Variants in BTBD16 observed in about 807,000 individuals in gnomAD.
The protein encoded by BTBD16 is BTB/POZ domain-containing protein 16.
A neutral mutation model predicts 67.4 loss-of-function variants in BTBD16; 66 were observed. That is an observed-to-expected ratio of 0.98 (90% CI 0.80 to 1.20). The LOEUF (loss-of-function observed/expected upper bound fraction) is 1.20. Ranked by LOEUF, BTBD16 falls within the 50% of genes most tolerant of loss-of-function variation. The pLI, the probability that BTBD16 is intolerant of heterozygous loss-of-function variation, is 0.00. For synonymous variants in BTBD16, 242 were observed against 236.4 expected, an observed-to-expected ratio of 1.02 and a Z score of -0.22; for missense variants, 634 against 616.0, an observed-to-expected ratio of 1.03 and a Z score of -0.31.
At chr10:122,320,661 G>A (rs1329804758) in intron 10 of BTBD16, among the ~76,000 whole-genome samples, 2 of 151,822 alleles carry the variant, frequency 1.3e-5, no homozygotes, top group African/African-American at 4.8e-5. Flanking sequence ...TCTTTGTTCT[G>A]CAAATATTTG....
intron 9 of BTBD16, chr10:122,303,577 C>G: frequency 3.2e-6 from 1 of 311,566 alleles, no homozygotes; most frequent in Non-Finnish European, 4.6e-6. Context: ...TTGTTCATAT[C>G]TTACTCACAT....
At chr10:122,297,138 T>C (rs2096384769) in intron 7 of BTBD16, among the ~76,000 whole-genome samples, 1 of 152,260 alleles carries the variant, frequency 6.6e-6, no homozygotes, top group Non-Finnish European at 1.5e-5. Context: ...ACCCTTAACA[T>C]GACTGCCAAA....
chr10:122,337,899 C>A (rs1396785627), intron 15 of BTBD16, 118 bp from the exon 16 acceptor site: 6 of 757,982 alleles, frequency 7.9e-6, no homozygotes, highest in Non-Finnish European at 1.3e-5. Context: ...TTCTGATGTG[C>A]AACCATAGTT....
rs2133319943 is a variant in BTBD16, at chr10:122,331,214, C to T, written c.1042C>T (p.Pro348Ser). ...GGTGCTGCGGCACCTTAACTTCTTC[C>T]CAGAGTCATGGCTCGACCAGGTTAC... ...LEVLRHLNFF[P>S]ESWLDQVTVN... The change falls in exon 12 of 16, where the codon CCA becomes TCA. Residue 348 changes from proline to serine, a missense_variant. By Grantham distance (74) the Pro-to-Ser change is moderately conservative. Coordinates refer to ENST00000260723, the MANE Select transcript of BTBD16 (RefSeq NM_144587.5). The T allele has an allele frequency of 6.2e-7, 1 of 1,613,610 alleles. No individual in the cohort carries two copies. The highest frequency in any genetic ancestry group is 1.3e-5 in the African/African-American group (1 of 74,996).
chr10:122,309,238 C>T (rs557211767), intron 10 of BTBD16, among the ~76,000 whole-genome samples: 4 of 152,256 alleles, frequency 2.6e-5, no homozygotes, highest in African/African-American at 7.2e-5. Flanking sequence ...GTGATCCTCT[C>T]GCCTCAGCCT....
chr10:122,303,145 A>G (rs911246091), intron 9 of BTBD16, among the ~76,000 whole-genome samples: 1 of 152,212 alleles, frequency 6.6e-6, no homozygotes, highest in Admixed American at 6.5e-5. Flanking sequence ...TTTGTCTTAA[A>G]TTGAGAAATC....
chr10:122,317,681 C>A (rs527732424), intron 10 of BTBD16, among the ~76,000 whole-genome samples: 109 of 151,700 alleles, frequency 7.2e-4, no homozygotes, highest in Middle Eastern at 6.8e-3. Flanking sequence ...AACAAAAAAA[C>A]AACAAAAAAA....
In BTBD16 at chr10:122,286,192, A is replaced by C; in HGVS notation, c.329A>C (p.Lys110Thr). Residue 110 changes from lysine (K) to threonine (T), a missense_variant, in exon 5 of 16, where the codon AAA becomes ACA. Transcript: ENST00000260723. ...QSETLAKLYL[K>T]ALAQGTTHPL... ...GAGACCTTGGCCAAGCTCTACCTGA[A>C]AGCCCTGGCGCAGGGCACCACACAC... 6.2e-7 allele frequency: 1 copy of C among 1,613,962 alleles called. No individual in the cohort carries two copies. The highest frequency in any genetic ancestry group is 1.3e-5 in the African/African-American group (1 of 75,050).
chr10:122,319,880 C>T (rs181543041), intron 10 of BTBD16, among the ~76,000 whole-genome samples: 3 of 152,090 alleles, frequency 2.0e-5, no homozygotes, highest in East Asian at 1.9e-4. Context: ...CATTTAGGTC[C>T]GTTTAAATGT....
At chr10:122,307,636 A>G (rs1314605128) in intron 10 of BTBD16, among the ~76,000 whole-genome samples, 1 of 152,224 alleles carries the variant, frequency 6.6e-6, no homozygotes, top group African/African-American at 2.4e-5. Flanking sequence ...TCATTAAAAA[A>G]AAAAATCAGC....
At position 122,271,474 on chromosome 10, in the gene BTBD16, C is replaced by T. The variant is rs1363952197; in HGVS notation, c.-83C>T. On this transcript the variant is annotated 5_prime_UTR_variant, in exon 1 of 16. Transcript: ENST00000260723. ...GAGTTCCTCCACTCAGCACACTTCC[C>T]CTGTAAACACGCCTGTGGTGGGCAA... 2.6e-5 allele frequency: 4 copies of T among 152,306 alleles called. No individual in the cohort carries two copies. The highest frequency in any genetic ancestry group is 9.6e-5 in the African/African-American group (4 of 41,464). 9.4% of individuals were successfully genotyped at this position (152,306 alleles called of 1,614,324 possible).
Position 122,299,250 on chromosome 10 carries a change from C to T in BTBD16, c.791+116C>T, listed in dbSNP as rs1184379861. The T allele has an allele frequency of 3.9e-6, 5 of 1,268,470 alleles. No homozygotes were observed. In the African/African-American group the frequency reaches 6.0e-5, roughly 15 times the overall value. The allele number at this position is 1,268,470 out of a possible 1,614,324, so 78.6% of individuals were successfully genotyped here. Reference sequence around the variant, plus strand: ...GCACCCCCACCTTAAGCTTCCTGCCCTCCTGGACAGCTGAGCCTTGGCTGG... The same window carrying T: ...GCACCCCCACCTTAAGCTTCCTGCCTTCCTGGACAGCTGAGCCTTGGCTGG... On this transcript the variant is annotated intron_variant, in intron 9 of 15. Transcript: ENST00000260723.
intron 10 of BTBD16, among the ~76,000 whole-genome samples, chr10:122,324,646 G>C (rs2096441217): frequency 6.6e-6 from 1 of 152,146 alleles, no homozygotes; most frequent in Admixed American, 6.5e-5. Context: ...GTATATTCTG[G>C]GTCAAGAGGA....
intron 10 of BTBD16, among the ~76,000 whole-genome samples, chr10:122,326,536 G>A (rs554277427): frequency 6.6e-6 from 1 of 152,300 alleles, no homozygotes; most frequent in South Asian, 2.1e-4. Context: ...AGAGCTGTGG[G>A]CCTGATACTC....
rs763115658 is a variant in BTBD16, at chr10:122,334,892, T to C, written c.1176T>C (p.Thr392=). The C allele has an allele frequency of 6.4e-7, 1 of 1,556,310 alleles. No homozygotes were observed. Among genetic ancestry groups the C allele is most frequent in the South Asian group, 1.1e-5 (1 of 88,930 alleles). Residue 392 remains threonine (T), a synonymous_variant, in exon 14 of 16, where the codon ACT becomes ACC. Coordinates refer to ENST00000260723, the MANE Select transcript of BTBD16 (RefSeq NM_144587.5). ...CTTTCCCAATTTAGGAGAATACAAC[T>C]TATTCGAAAACGATTGCTCTATATG... The part of the protein sequence containing the change: ...FGLLFNQENT[T]YSKTIALYGF...
intron 9 of BTBD16, among the ~76,000 whole-genome samples, chr10:122,301,340 G>A (rs1040589076): frequency 2.0e-5 from 3 of 152,178 alleles, no homozygotes; most frequent in South Asian, 2.1e-4. Flanking sequence ...AGAAAAAGAG[G>A]TCAAGAGCAT....
intron 10 of BTBD16, among the ~76,000 whole-genome samples, chr10:122,307,654 G>A (rs971553179): frequency 6.6e-6 from 1 of 152,034 alleles, no homozygotes; most frequent in Non-Finnish European, 1.5e-5. Context: ...AGCTTTCTTA[G>A]GTTGAATAAA....
rs926683717 is a variant in BTBD16 at position 122,336,689 on chromosome 10, G to A, written c.1452+7G>A. On this transcript the variant is annotated splice_region_variant and intron_variant, in intron 15 of 15. Coordinates refer to ENST00000260723, the MANE Select transcript of BTBD16 (RefSeq NM_144587.5). ...GTCATCCTGCAAAAGCCATGCAAGT[G>A]TTCACGTTGTCTTTTCCTTTATTTC... The A allele has an allele frequency of 4.5e-6, 7 of 1,568,174 alleles. No homozygotes were observed. Among genetic ancestry groups the A allele is most frequent in the Non-Finnish European group, 6.0e-6 (7 of 1,163,044 alleles).
chr10:122,336,721 G>A, intron 15 of BTBD16, 39 bp downstream of exon 15: 18 of 1,515,666 alleles, frequency 1.2e-5, no homozygotes, highest in Non-Finnish European at 1.6e-5. Context: ...TTTCCTTTTT[G>A]CTCTTTCTCT....
Sources: allele counts gnomAD v4.1 joint callset (sites outside exome capture counted in the v4.1 genomes callset), GRCh38; gene constraint gnomAD v4.1.1; transcripts MANE v1.5; gene names NCBI Gene and HGNC (gene_info 2026-07-23, HGNC 2026-07-21).